The following ZNF10 variants were observed in gnomAD, a reference collection of about 807,000 sequenced individuals.
The protein encoded by ZNF10 is zinc finger protein 10 (KOX 1).
Under a neutral mutation model 12.2 loss-of-function variants are expected in ZNF10, and 8 were observed. The observed-to-expected ratio is 0.66, with a 90% confidence interval of 0.39 to 1.18. ZNF10 has a LOEUF of 1.18. Among genes scored for constraint, ZNF10 ranks in the 50% most tolerant of loss-of-function variants. ZNF10 has a pLI of 0.01. For missense variants in ZNF10, 603 were observed against 678.9 expected (o/e 0.89, Z 1.24); for synonymous variants, 229 against 228.2 (o/e 1.00, Z -0.03).
intron 1 of ZNF10, among the ~76,000 whole-genome samples, chr12:133,131,253 T>A (rs912571720): frequency 9.9e-5 from 15 of 152,060 alleles, no homozygotes; most frequent in Admixed American, 8.5e-4. Context: ...AAGGCGTGTT[T>A]GTGTGGTTAA....
chr12:133,133,001 C>T (rs543030017), intron 1 of ZNF10, among the ~76,000 whole-genome samples: 41 of 152,106 alleles, frequency 2.7e-4, no homozygotes, highest in Non-Finnish European at 5.4e-4. Flanking sequence ...GACATGGGTA[C>T]GTATTCCTTA....
intron 3 of ZNF10, 140 bp from the exon 4 acceptor site, chr12:133,151,669 T>C (rs1956008371): frequency 4.0e-6 from 2 of 497,856 alleles, no homozygotes; most frequent in African/African-American, 2.0e-5. Context: ...ATAAAATAAG[T>C]TTTCCTGCCT....
chr12:133,156,557 T>C lies in ZNF10; in HGVS notation c.1311T>C (p.Asp437=). Residue 437 remains aspartate (D), a synonymous_variant, in exon 5 of 5, where the codon GAT becomes GAC. Coordinates refer to ENST00000248211, the MANE Select transcript of ZNF10 (RefSeq NM_015394.5). ...HTGLKPFECK[D]CGKCFSRSSH... ...GACTAAAACCTTTTGAGTGTAAGGA[T>C]TGTGGAAAATGTTTTAGTCGAAGCT... 6.2e-7 allele frequency: 1 copy of C among 1,613,682 alleles called. No homozygotes were observed. Among genetic ancestry groups the C allele is most frequent in the Non-Finnish European group, 8.5e-7 (1 of 1,179,828 alleles).
intron 2 of ZNF10, 162 bp from the exon 3 acceptor site, chr12:133,150,866 A>G (rs1956002829): frequency 4.2e-6 from 3 of 715,274 alleles, no homozygotes; most frequent in East Asian, 2.9e-5. Context: ...TCCTTTTAAG[A>G]CTTGACTAGA....
At chr12:133,137,980 AAAT>A (rs1163190669) in intron 1 of ZNF10, among the ~76,000 whole-genome samples, 2 of 152,156 alleles carry the variant, frequency 1.3e-5, no homozygotes, top group Non-Finnish European at 2.9e-5. Context: ...GGAATTAAAT[AAAT>A]AATGGTTTAC....
chr12:133,146,296 C>T (rs931637703), intron 2 of ZNF10, among the ~76,000 whole-genome samples: 3 of 152,136 alleles, frequency 2.0e-5, no homozygotes, highest in Non-Finnish European at 4.4e-5. Flanking sequence ...CTGGTGATCT[C>T]CATTGGTGAA....
chr12:133,144,825 A>G (rs975869745), intron 2 of ZNF10: 2 of 490,648 alleles, frequency 4.1e-6, no homozygotes, highest in African/African-American at 3.9e-5. Flanking sequence ...CTAATACAAG[A>G]AAAAGATCAA....
At position 133,159,100 on chromosome 12, in the gene ZNF10, A is replaced by T. The variant is rs964582666; in HGVS notation, c.*2132A>T. 3.9e-5 allele frequency: 6 copies of T among 152,254 alleles called. No individual in the cohort carries two copies. The highest frequency in any genetic ancestry group is 1.4e-4 in the African/African-American group (6 of 41,464). The allele number at this position is 152,254 out of a possible 1,614,324, so 9.4% of individuals were successfully genotyped here. A position where few individuals can be genotyped will look rare whatever the true frequency, so the allele number is the denominator to read the frequency against. ...CTAGTATCTACCTCAAAGCGTTGTC[A>T]TGTGGATTGAGATGATATGTATGAA... On this transcript the variant is annotated 3_prime_UTR_variant, in exon 5 of 5. Coordinates refer to ENST00000248211, the MANE Select transcript of ZNF10 (RefSeq NM_015394.5).
rs1198986547 is a variant in ZNF10, at chr12:133,157,510, T to TA, written c.*547dup. The TA allele has an allele frequency of 6.6e-6, 1 of 152,230 alleles. No homozygotes were observed. Among genetic ancestry groups the TA allele is most frequent in the African/African-American group, 2.4e-5 (1 of 41,456 alleles). 9.4% of individuals were successfully genotyped at this position (152,230 alleles called of 1,614,324 possible). Reference sequence around the variant, plus strand: ...AAAAATGCTTATAATGTAGTACAATTAAAAACAACACATCTCCACTACCAG... The same window carrying TA: ...AAAAATGCTTATAATGTAGTACAATTAAAAAACAACACATCTCCACTACCAG... On this transcript the variant is annotated 3_prime_UTR_variant, in exon 5 of 5. Transcript: ENST00000248211.
At chr12:133,140,949 C>CGT (rs66534913) in intron 1 of ZNF10, among the ~76,000 whole-genome samples, 91,211 of 151,790 alleles carry the variant, frequency 0.6, 28,373 homozygotes, top group African/African-American at 0.72. Flanking sequence ...TTAGTACATA[C>CGT]GTGTGAGGAA....
At chr12:133,139,768 C>T (rs553975599) in intron 1 of ZNF10, among the ~76,000 whole-genome samples, 8 of 152,150 alleles carry the variant, frequency 5.3e-5, no homozygotes, top group East Asian at 3.9e-4. Flanking sequence ...GCTGGTTGGG[C>T]GCAGTGGCTT....
rs1035769291 is a variant in ZNF10, at chr12:133,142,051, T to C, written c.-59-2383T>C. On this transcript the variant is annotated intron_variant, in intron 1 of 4. Transcript: ENST00000248211. ...TCTACAAAGTACTGAAAGAAAAAAA[T>C]AACTGTCTACCTATTAAATAGAATT... Among the ~76,000 whole-genome samples the C allele has an allele frequency of 6.6e-5, 10 of 151,940 alleles. No individual in the cohort carries two copies. The East Asian group carries it at 1.9e-3, about 29-fold the overall frequency.
rs573932037 is a variant in ZNF10, at chr12:133,151,512, C to G, written c.161-297C>G. Among the ~76,000 whole-genome samples, 6 of 152,126 alleles carry G rather than the reference C, an allele frequency of 3.9e-5. No homozygotes were observed. The East Asian group carries it at 1.2e-3, about 29-fold the overall frequency. ...TACAAAAATTAGCTGGGCGTGGTGG[C>G]GTGCTCCTATAGTCCCAGCTACTTG... On this transcript the variant is annotated intron_variant, in intron 3 of 4. Transcript: ENST00000248211.
In ZNF10 at chr12:133,151,240, T is replaced by C. The variant is rs527987948; in HGVS notation, c.160+86T>C. ...CTGAAGCATGTATCACACCAGAGTATAGGCTTGGCGTTCAGAGACCTAATT... is the reference window on the plus strand; with the variant it reads ...CTGAAGCATGTATCACACCAGAGTACAGGCTTGGCGTTCAGAGACCTAATT... On this transcript the variant is annotated intron_variant, in intron 3 of 4. Transcript: ENST00000248211. The C allele has an allele frequency of 5.2e-5, 70 of 1,344,068 alleles. No individual in the cohort carries two copies. The South Asian group carries it at 1.2e-3, about 23-fold the overall frequency. 83.3% of individuals were successfully genotyped at this position (1,344,068 alleles called of 1,614,324 possible).
chr12:133,145,190 G>A (rs997310518), intron 2 of ZNF10, among the ~76,000 whole-genome samples: 5 of 152,028 alleles, frequency 3.3e-5, no homozygotes, highest in African/African-American at 7.3e-5. Flanking sequence ...CCAGTTATTC[G>A]TTTACAATTA....
rs1390013857 is a variant in ZNF10 at position 133,159,255 on chromosome 12, T to A, written c.*2287T>A. 5 of 152,226 alleles carry A rather than the reference T, an allele frequency of 3.3e-5. No homozygotes were observed. Among genetic ancestry groups the A allele is most frequent in the African/African-American group, 1.2e-4 (5 of 41,446 alleles). 9.4% of individuals were successfully genotyped at this position (152,226 alleles called of 1,614,324 possible). A position where few individuals can be genotyped will look rare whatever the true frequency, so the allele number is the denominator to read the frequency against. On this transcript the variant is annotated 3_prime_UTR_variant, in exon 5 of 5. Transcript: ENST00000248211. ...ATGATCACTGAAATATTTATGACAGTGCATAATTTGCAAAATAAAAAATGT... is the reference window on the plus strand; with the variant it reads ...ATGATCACTGAAATATTTATGACAGAGCATAATTTGCAAAATAAAAAATGT...
chr12:133,138,381 C>G (rs1955924645), intron 1 of ZNF10, among the ~76,000 whole-genome samples: 1 of 141,136 alleles, frequency 7.1e-6, no homozygotes, highest in Non-Finnish European at 1.6e-5. Context: ...ATTTTGAGAC[C>G]CTGTCTAAAA....
At chr12:133,150,894 C>A (rs1956002953) in intron 2 of ZNF10, 134 bp from the exon 3 acceptor site, 1 of 1,063,192 alleles carries the variant, frequency 9.4e-7, no homozygotes, top group Non-Finnish European at 1.3e-6. Flanking sequence ...CTACTCACTC[C>A]TAGAATAAAT....
rs67577219 is a variant in ZNF10 at position 133,140,202 on chromosome 12, CAAAAA to C, written c.-59-4207_-59-4203del. Among the ~76,000 whole-genome samples, 27 of 35,212 alleles carry C rather than the reference CAAAAA, an allele frequency of 7.7e-4. No individual in the cohort carries two copies. The Admixed American group carries it at 0.011, about 15-fold the overall frequency. 23.1% of individuals were successfully genotyped at this position (35,212 alleles called of 152,430 possible). A position where few individuals can be genotyped will look rare whatever the true frequency, so the allele number is the denominator to read the frequency against. The stretch of plus-strand genomic sequence containing the variant: ...TGGATGACAGAGTAAGACCCTGTCT[CAAAAA>C]AAAAAAAAAAAAAAAAAAAAAAAAG... On this transcript the variant is annotated intron_variant, in intron 1 of 4. Transcript: ENST00000248211.
Sources: gnomAD v4.1 joint callset for allele counts (sites outside exome capture counted in the v4.1 genomes callset) on GRCh38, gnomAD v4.1.1 for gene constraint, MANE v1.5 for transcripts, NCBI Gene and HGNC (gene_info 2026-07-23, HGNC 2026-07-21) for gene names.